NEGR1: variants seen among roughly 807,000 people sequenced by gnomAD.
NEGR1 encodes the protein IgLON family member 4.
Under a neutral mutation model 40.9 loss-of-function variants are expected in NEGR1, and 10 were observed. That is an observed-to-expected ratio of 0.24 (90% CI 0.15 to 0.42). The LOEUF (loss-of-function observed/expected upper bound fraction) is 0.42. Ranked by LOEUF, NEGR1 falls within the 10% of genes least tolerant of loss-of-function variation. NEGR1 has a pLI of 1.00. For synonymous variants in NEGR1, 185 were observed against 166.8 expected (o/e 1.11, Z -0.84); for missense variants, 352 against 438.9 (o/e 0.80, Z 1.77).
rs1646508297 is a variant in NEGR1 at position 71,436,175 on chromosome 1, C to T, written c.941-28605G>A. Among the ~76,000 whole-genome samples the T allele has an allele frequency of 2.7e-5, 4 of 149,586 alleles. No homozygotes were observed. In the South Asian group the frequency reaches 8.4e-4, roughly 31 times the overall value. On this transcript the variant is annotated intron_variant, in intron 6 of 6. Coordinates refer to ENST00000357731, the MANE Select transcript of NEGR1 (RefSeq NM_173808.3). ...TGTCCAGATGTTGTACATGAATTCA[C>T]AGGACTTACAACAGAGGCAATCAAG...
intron 6 of NEGR1, among the ~76,000 whole-genome samples, chr1:71,581,071 A>C (rs1044189052): frequency 1.3e-4 from 20 of 152,346 alleles, no homozygotes; most frequent in African/African-American, 4.8e-4. Context: ...AAATTACTTT[A>C]CTACAGTTTA....
chr1:72,178,680 C>G (rs968001364), intron 1 of NEGR1, among the ~76,000 whole-genome samples: 30 of 151,378 alleles, frequency 2.0e-4, no homozygotes, highest in African/African-American at 6.6e-4. Flanking sequence ...TGCAACCTTG[C>G]CAGCGTCTGT....
chr1:71,863,389 T>C (rs1003165040), intron 2 of NEGR1, among the ~76,000 whole-genome samples: 1 of 151,988 alleles, frequency 6.6e-6, no homozygotes, highest in Non-Finnish European at 1.5e-5. Flanking sequence ...AAGTGGGAGA[T>C]GACTGATGAG....
At chr1:71,981,973 G>A (rs548097538) in intron 1 of NEGR1, among the ~76,000 whole-genome samples, 1 of 152,246 alleles carries the variant, frequency 6.6e-6, no homozygotes, top group South Asian at 2.1e-4. Context: ...TGTGGAGGTT[G>A]CAATAATGTT....
intron 1 of NEGR1, among the ~76,000 whole-genome samples, chr1:72,028,692 C>T (rs917714194): frequency 2.0e-5 from 3 of 152,220 alleles, no homozygotes; most frequent in Admixed American, 2.0e-4. Flanking sequence ...GTCTACTTAA[C>T]CTTCAAGATT....
intron 1 of NEGR1, among the ~76,000 whole-genome samples, chr1:71,983,543 C>T (rs1204143907): frequency 6.6e-6 from 1 of 152,154 alleles, no homozygotes; most frequent in East Asian, 1.9e-4. Context: ...TTTGCATACT[C>T]CACAGGGGCT....
intron 2 of NEGR1, among the ~76,000 whole-genome samples, chr1:71,919,894 G>A (rs931942875): frequency 6.6e-6 from 1 of 152,144 alleles, no homozygotes; most frequent in Non-Finnish European, 1.5e-5. Flanking sequence ...GGATAACTTT[G>A]AACTTTCCAT....
intron 6 of NEGR1, among the ~76,000 whole-genome samples, chr1:71,528,521 G>C (rs1344718008): frequency 6.6e-6 from 1 of 151,144 alleles, no homozygotes; most frequent in Non-Finnish European, 1.5e-5. Flanking sequence ...GTTAAACAAA[G>C]ACATTTTCCT....
intron 2 of NEGR1, among the ~76,000 whole-genome samples, chr1:71,896,523 T>C (rs747100822): frequency 3.9e-5 from 6 of 152,198 alleles, no homozygotes; most frequent in Non-Finnish European, 8.8e-5. Flanking sequence ...GTGGATCCTT[T>C]GAAATACAGT....
intron 1 of NEGR1, among the ~76,000 whole-genome samples, chr1:72,263,725 C>A (rs955525113): frequency 6.6e-6 from 1 of 151,390 alleles, no homozygotes; most frequent in Non-Finnish European, 1.5e-5. Context: ...GCTATGTAGG[C>A]ATATCTTTTG....
At chr1:71,544,834 T>A (rs375201288) in intron 6 of NEGR1, among the ~76,000 whole-genome samples, 5 of 151,776 alleles carry the variant, frequency 3.3e-5, no homozygotes, top group African/African-American at 1.2e-4. Flanking sequence ...GTGGAAAGAA[T>A]GGAAACTTGG....
intron 4 of NEGR1, among the ~76,000 whole-genome samples, chr1:71,688,856 A>G (rs1212668533): frequency 6.6e-6 from 1 of 152,192 alleles, no homozygotes; most frequent in African/African-American, 2.4e-5. Flanking sequence ...GTATTATGAC[A>G]AAGCTCACAA....
intron 1 of NEGR1, among the ~76,000 whole-genome samples, chr1:72,112,149 A>G (rs966264935): frequency 6.6e-6 from 1 of 151,442 alleles, no homozygotes; most frequent in African/African-American, 2.4e-5. Flanking sequence ...AAAGAAACCT[A>G]TTTAATTTCT....
At chr1:71,776,124 A>C (rs530422838) in intron 3 of NEGR1, 48 bp downstream of exon 3, 12 of 1,471,760 alleles carry the variant, frequency 8.2e-6, no homozygotes, top group Middle Eastern at 1.8e-4. Context: ...GTGAGGTTAC[A>C]GGAGAAAAAT....
chr1:71,625,768 A>G (rs981214528), intron 4 of NEGR1, among the ~76,000 whole-genome samples: 2 of 151,892 alleles, frequency 1.3e-5, no homozygotes, highest in Non-Finnish European at 2.9e-5. Flanking sequence ...ACTGCTGGAC[A>G]TATCGTGTGC....
chr1:71,834,868 G>A (rs115705559), intron 2 of NEGR1, among the ~76,000 whole-genome samples: 2,828 of 88,798 alleles, frequency 0.032, 90 homozygotes, highest in African/African-American at 0.11. Flanking sequence ...AAACACCGTC[G>A]TTTTAAGATT....
intron 5 of NEGR1, among the ~76,000 whole-genome samples, chr1:71,609,211 A>G (rs1420228965): frequency 6.6e-6 from 1 of 152,130 alleles, no homozygotes; most frequent in African/African-American, 2.4e-5. Flanking sequence ...AGGTAAAACC[A>G]GTCAGAAGAA....
chr1:71,754,350 T>C (rs779565348), intron 3 of NEGR1, among the ~76,000 whole-genome samples: 2 of 152,210 alleles, frequency 1.3e-5, no homozygotes, highest in African/African-American at 2.4e-5. Context: ...TCCTTTAAGA[T>C]ACATTAGCGT....
chr1:72,165,028 T>C (rs1451202185), intron 1 of NEGR1, among the ~76,000 whole-genome samples: 2 of 152,026 alleles, frequency 1.3e-5, no homozygotes, highest in Admixed American at 6.6e-5. Flanking sequence ...TTGGGGCTGC[T>C]GCAGCAGAAG....
Sources: gnomAD v4.1 joint callset for allele counts (sites outside exome capture counted in the v4.1 genomes callset) on GRCh38, gnomAD v4.1.1 for gene constraint, MANE v1.5 for transcripts, NCBI Gene and HGNC (gene_info 2026-07-23, HGNC 2026-07-21) for gene names.